Variants in ACCS observed in about 807,000 individuals in gnomAD.
The protein encoded by ACCS is 1-aminocyclopropane-1-carboxylate synthase homolog (inactive), also known as 1-aminocyclopropane-1-carboxylate synthase-like protein 1.
Under a neutral mutation model 59.8 loss-of-function variants are expected in ACCS, and 42 were observed. The ratio of observed to expected loss-of-function variants is 0.70; its 90% CI spans 0.55 to 0.91. The LOEUF (loss-of-function observed/expected upper bound fraction) is 0.91, where lower values mean the gene tolerates loss of function less well. Ranked by LOEUF, ACCS falls within the 40% of genes least tolerant of loss-of-function variation. The pLI is 0.00. For missense variants in ACCS, 602 were observed against 630.4 expected (o/e 0.95, Z 0.48); for synonymous variants, 230 against 240.3 (o/e 0.96, Z 0.40).
chr11:44,067,674 T>G lies in ACCS; in HGVS notation c.47T>G (p.Leu16Arg), dbSNP rs1385216643. The change falls in exon 2 of 15, where the codon CTG becomes CGG. Residue 16 changes from leucine (L) to arginine (R), a missense_variant. Transcript: ENST00000263776. ...GACTTCAGGGCTCCCACCACCTGTC[T>G]GGGCCCCACCTGCATGCAGGACCTG... ...QKDFRAPTTC[L>R]GPTCMQDLGS... is the part of the protein sequence containing the mutation. 8 of 1,614,080 alleles carry G rather than the reference T, an allele frequency of 5.0e-6. No individual in the cohort carries two copies. Among genetic ancestry groups the G allele is most frequent in the Non-Finnish European group, 6.8e-6 (8 of 1,179,958 alleles).
intron 10 of ACCS, 34 bp downstream of exon 10, chr11:44,079,654 C>A (rs771714096): frequency 6.4e-7 from 1 of 1,568,636 alleles, no homozygotes; most frequent in Non-Finnish European, 8.7e-7. Context: ...CTCCCCCAGT[C>A]CCTATTATCC....
At chr11:44,075,638 C>A in intron 6 of ACCS, 46 bp downstream of exon 6, 1 of 1,601,012 alleles carries the variant, frequency 6.2e-7, no homozygotes, top group African/African-American at 1.3e-5. Flanking sequence ...CCTCATTGTG[C>A]TTGCAGGGTT....
At chr11:44,068,758 A>G (rs980007981) in intron 2 of ACCS, among the ~76,000 whole-genome samples, 1 of 152,366 alleles carries the variant, frequency 6.6e-6, no homozygotes, top group Non-Finnish European at 1.5e-5. Context: ...TGTCCCAAAT[A>G]TAAGCTATTC....
At chr11:44,079,843 T>C (rs983166117) in intron 10 of ACCS, among the ~76,000 whole-genome samples, 3 of 152,212 alleles carry the variant, frequency 2.0e-5, no homozygotes, top group Non-Finnish European at 4.4e-5. Flanking sequence ...AGAAGAGGCC[T>C]CAGGATCCCT....
At chr11:44,070,971 G>C (rs1953021939) in intron 2 of ACCS, among the ~76,000 whole-genome samples, 1 of 152,098 alleles carries the variant, frequency 6.6e-6, no homozygotes, top group Non-Finnish European at 1.5e-5. Flanking sequence ...TCTCTAAAGG[G>C]GACAGATCAA....
intron 6 of ACCS, among the ~76,000 whole-genome samples, chr11:44,076,767 A>G (rs1287580263): frequency 6.6e-6 from 1 of 152,272 alleles, no homozygotes; most frequent in Non-Finnish European, 1.5e-5. Flanking sequence ...GTGCTAATAA[A>G]GACATACCTG....
rs767957741 is a variant in ACCS, at chr11:44,083,286, T to G, written c.1229T>G (p.Phe410Cys). ...GIPFLSRGAG[F>C]FIWVDLRKYL... ...CCCTTCTTGAGTCGTGGGGCTGGCT[T>G]CTTCATCTGGGTTGACTTGAGAAAG... Residue 410 changes from phenylalanine to cysteine, a missense_variant, in exon 13 of 15, where the codon TTC becomes TGC. Coordinates refer to ENST00000263776, the MANE Select transcript of ACCS (RefSeq NM_032592.4). 5 of 1,613,904 alleles carry G rather than the reference T, an allele frequency of 3.1e-6. No homozygotes were observed. Among genetic ancestry groups the G allele is most frequent in the Non-Finnish European group, 4.2e-6 (5 of 1,179,914 alleles).
At chr11:44,079,452 G>A (rs982895828) in intron 9 of ACCS, 79 bp from the exon 10 acceptor site, 12 of 1,222,900 alleles carry the variant, frequency 9.8e-6, no homozygotes, top group Non-Finnish European at 1.4e-5. Flanking sequence ...CTGGATTTCT[G>A]ATGTATTACC....
At position 44,083,778 on chromosome 11, in the gene ACCS, G is replaced by A; in HGVS notation, c.1492G>A (p.Asp498Asn). 1 of 1,612,006 alleles carries A rather than the reference G, an allele frequency of 6.2e-7. No individual in the cohort carries two copies. Among genetic ancestry groups the A allele is most frequent in the Non-Finnish European group, 8.5e-7 (1 of 1,179,098 alleles). Residue 498 changes from aspartate to asparagine, a missense_variant, in exon 15 of 15, where the codon GAC (aspartate) becomes AAC (asparagine). Coordinates refer to ENST00000263776, the MANE Select transcript of ACCS (RefSeq NM_032592.4). ...PRPSQSQEPS[D>N]QRR ...TCCCTCTCAGAGCCAGGAGCCAAGT[G>A]ACCAACGCAGGTGAGCTGGTCATTG...
At chr11:44,068,782 A>G (rs1358308449) in intron 2 of ACCS, among the ~76,000 whole-genome samples, 1 of 152,260 alleles carries the variant, frequency 6.6e-6, no homozygotes, top group Non-Finnish European at 1.5e-5. Context: ...TAATGCCTTC[A>G]GAAGTCAGAA....
chr11:44,073,217 T>G lies in ACCS; in HGVS notation c.349-230T>G. 7.2e-6 allele frequency: 4 copies of G among 558,976 alleles called. 1 individual carries two copies. The South Asian group carries it at 7.9e-5, about 11-fold the overall frequency. The allele number at this position is 558,976 out of a possible 1,614,324, so 34.6% of individuals were successfully genotyped here. A position where few individuals can be genotyped will look rare whatever the true frequency, so the allele number is the denominator to read the frequency against. ...CAGACTAGGAGTCAAAAATTTTGGG[T>G]TTTTGTCTCAGCTCTGCCACTTGCT... On this transcript the variant is annotated intron_variant, in intron 3 of 14. Transcript: ENST00000263776.
intron 4 of ACCS, 52 bp downstream of exon 4, chr11:44,073,569 T>C (rs1953167194): frequency 6.5e-7 from 1 of 1,535,708 alleles, no homozygotes. Context: ...TGTGGCAATG[T>C]TGGGAGACAT....
At chr11:44,083,051 G>C in intron 12 of ACCS, 118 bp from the exon 13 acceptor site, 4 of 1,337,804 alleles carry the variant, frequency 3.0e-6, no homozygotes, top group Non-Finnish European at 4.2e-6. Context: ...GCCAGCTAGA[G>C]GAGGGACTCA....
chr11:44,071,382 C>T (rs1375893481), intron 3 of ACCS, 67 bp downstream of exon 3: 1 of 1,567,484 alleles, frequency 6.4e-7, no homozygotes, highest in Non-Finnish European at 8.8e-7. Flanking sequence ...GGAATGCTTT[C>T]CCAACAGGAG....
Position 44,081,810 on chromosome 11 carries a change from G to A in ACCS, c.1111+490G>A, listed in dbSNP as rs146569855. Among the ~76,000 whole-genome samples the A allele has an allele frequency of 6.3e-3, 962 of 152,268 alleles. 8 individuals are homozygous for A. The highest frequency in any genetic ancestry group is 0.021 in the African/African-American group (882 of 41,534). ...TCATCATACCACTACACTCCAGCTC[G>A]GGTGACAGAGTAAGACCTTGTCTTT... On this transcript the variant is annotated intron_variant, in intron 12 of 14. Coordinates refer to ENST00000263776, the MANE Select transcript of ACCS (RefSeq NM_032592.4).
chr11:44,079,694 C>G, intron 10 of ACCS, 74 bp downstream of exon 10: 1 of 1,395,202 alleles, frequency 7.2e-7, no homozygotes, highest in Non-Finnish European at 9.9e-7. Flanking sequence ...TCTGGCTCAG[C>G]CCACAGGGCA....
At chr11:44,071,375 A>C in intron 3 of ACCS, 60 bp downstream of exon 3, 1 of 1,584,066 alleles carries the variant, frequency 6.3e-7, no homozygotes, top group Admixed American at 1.7e-5. Flanking sequence ...CTTCCCTGGA[A>C]TGCTTTCCCA....
intron 9 of ACCS, chr11:44,079,115 A>C: frequency 2.6e-6 from 1 of 385,848 alleles, no homozygotes; most frequent in East Asian, 4.9e-5. Context: ...CCTCACAACA[A>C]CCCTCATACA....
At position 44,073,459 on chromosome 11, in the gene ACCS, G is replaced by C; in HGVS notation, c.361G>C (p.Asp121His). 6.2e-7 allele frequency: 1 copy of C among 1,608,000 alleles called. No homozygotes were observed. The highest frequency in any genetic ancestry group is 8.5e-7 in the Non-Finnish European group (1 of 1,177,614). The change falls in exon 4 of 15, where the codon GAC becomes CAC. Residue 121 changes from aspartate (D) to histidine (H), a missense_variant. Transcript: ENST00000263776. ...DLLSWRLSQRDMQRVEPSLLQ... is the reference protein window; with the variant it reads ...DLLSWRLSQRHMQRVEPSLLQ... ...TCTCTGTCCCCAGCTGAGTCAGCGC[G>C]ACATGCAGAGGGTGGAGCCATCCCT...
Sources: allele counts gnomAD v4.1 joint callset (sites outside exome capture counted in the v4.1 genomes callset), GRCh38; gene constraint gnomAD v4.1.1; transcripts MANE v1.5; gene names NCBI Gene and HGNC (gene_info 2026-07-23, HGNC 2026-07-21).